Variants in TNS1 observed in about 807,000 individuals in gnomAD.
The protein encoded by TNS1 is tensin 1.
In TNS1, 62 loss-of-function variants were observed where a neutral mutation model predicts 168.6. The ratio of observed to expected loss-of-function variants is 0.37; its 90% CI spans 0.30 to 0.45. The LOEUF is 0.45. Ranked by LOEUF, TNS1 falls within the 20% of genes least tolerant of loss-of-function variation. The pLI, the probability that TNS1 is intolerant of heterozygous loss-of-function variation, is 1.00. For missense variants in TNS1, 2,240 were observed against 2,339.4 expected (o/e 0.96, Z 0.88); for synonymous variants, 934 against 933.2 (o/e 1.00, Z -0.02).
At chr2:217,860,192 C>T (rs1001759099) in intron 18 of TNS1, among the ~76,000 whole-genome samples, 4 of 152,184 alleles carry the variant, frequency 2.6e-5, no homozygotes, top group African/African-American at 9.7e-5. Flanking sequence ...CCCTGTGTTT[C>T]CCCTCAGACA....
intron 12 of TNS1, among the ~76,000 whole-genome samples, chr2:217,887,470 G>C (rs1006856756): frequency 6.6e-6 from 1 of 152,140 alleles, no homozygotes; most frequent in South Asian, 2.1e-4. Context: ...CACCATGCCC[G>C]GCTAATTTTG....
intron 6 of TNS1, 130 bp downstream of exon 6, chr2:217,906,205 T>C: frequency 1.6e-6 from 1 of 627,692 alleles, no homozygotes; most frequent in South Asian, 1.9e-5. Context: ...CTGCCCACAA[T>C]GCCAGCCTCT....
At chr2:217,822,159 C>A (rs1559170781) in intron 22 of TNS1, among the ~76,000 whole-genome samples, 2 of 152,174 alleles carry the variant, frequency 1.3e-5, no homozygotes, top group Non-Finnish European at 2.9e-5. Flanking sequence ...TGAAATGGAT[C>A]CCAGGCCCCG....
chr2:217,985,180 C>T (rs533228356), intron 2 of TNS1, among the ~76,000 whole-genome samples: 1 of 151,656 alleles, frequency 6.6e-6, no homozygotes, highest in African/African-American at 2.4e-5. Flanking sequence ...AAAGATTGGA[C>T]ACCCTGTTCT....
intron 3 of TNS1, among the ~76,000 whole-genome samples, chr2:217,922,713 C>T (rs1342709498): frequency 2.6e-5 from 4 of 152,218 alleles, no homozygotes; most frequent in Non-Finnish European, 5.9e-5. Flanking sequence ...GTATCCTGAC[C>T]GCAGGTCCCT....
chr2:217,996,398 A>G (rs1958471183), intron 1 of TNS1, among the ~76,000 whole-genome samples: 1 of 152,110 alleles, frequency 6.6e-6, no homozygotes, highest in African/African-American at 2.4e-5. Context: ...TATGTGGGGA[A>G]GGCTCAGATC....
rs1952835559 is a variant in TNS1 at position 217,900,462 on chromosome 2, C to G, written c.371+1G>C. 1.3e-6 allele frequency: 2 copies of G among 1,535,128 alleles called. No individual in the cohort carries two copies. Among genetic ancestry groups the G allele is most frequent in the Non-Finnish European group, 1.7e-6 (2 of 1,146,752 alleles). ...CCCCTGCCCCCACGGGCCAGGCATA[C>G]CTGATGGGCTGGAGGTGGGGCTGGA... On this transcript the variant is annotated splice_donor_variant, in intron 7 of 32. Coordinates refer to ENST00000682258, the MANE Select transcript of TNS1 (RefSeq NM_001387777.1). LOFTEE classifies it high-confidence loss of function.
At chr2:217,990,898 C>T (rs1217494896) in intron 2 of TNS1, 44 bp downstream of exon 2, 1 of 570,344 alleles carries the variant, frequency 1.8e-6, no homozygotes, top group Non-Finnish European at 3.3e-6. Flanking sequence ...ATCTCATTCC[C>T]CTGATGGGTG....
At chr2:217,889,032 G>C (rs959153340) in intron 12 of TNS1, among the ~76,000 whole-genome samples, 1 of 152,154 alleles carries the variant, frequency 6.6e-6, no homozygotes, top group African/African-American at 2.4e-5. Context: ...AAGGTCAAAG[G>C]CCACACCGTG....
Position 217,804,369 on chromosome 2 carries a change from T to C in TNS1, c.*90A>G. 2.0e-6 allele frequency: 3 copies of C among 1,523,066 alleles called. No individual in the cohort carries two copies. The highest frequency in any genetic ancestry group is 2.7e-6 in the Non-Finnish European group (3 of 1,127,782). 94.3% of individuals were successfully genotyped at this position (1,523,066 alleles called of 1,614,324 possible). On this transcript the variant is annotated 3_prime_UTR_variant, in exon 33 of 33. Transcript: ENST00000682258. ...CTCCTCCGAAATTGGCCCAAAGTCC[T>C]CCTTCTGGGTTCAAGAGTGGTCAGG...
At chr2:217,809,560 G>C (rs1321826728) in intron 30 of TNS1, among the ~76,000 whole-genome samples, 137 of 57,684 alleles carry the variant, frequency 2.4e-3, no homozygotes, top group East Asian at 2.6e-3. Flanking sequence ...TGGATGGATG[G>C]ATGGATGGAT....
intron 22 of TNS1, chr2:217,829,725 C>T (rs2125268415): frequency 8.6e-7 from 1 of 1,159,480 alleles, no homozygotes; most frequent in East Asian, 2.3e-5. Context: ...AGGCCATGTG[C>T]CTGGTCGCCT....
chr2:217,959,998 CAGG>C lies in TNS1; in HGVS notation c.186+18764_186+18766del, dbSNP rs897903457. ...GGAGGAGGGTGGAGAAGGAAGCCGGCAGGAGGAGGAGGAGGAGGAGCAGCAGCT... is the reference window on the plus strand; with the variant it reads ...GGAGGAGGGTGGAGAAGGAAGCCGGCAGGAGGAGGAGGAGGAGCAGCAGCT... On this transcript the variant is annotated intron_variant, in intron 3 of 32. Coordinates refer to ENST00000682258, the MANE Select transcript of TNS1 (RefSeq NM_001387777.1). Among the ~76,000 whole-genome samples, 11 of 151,944 alleles carry C rather than the reference CAGG, an allele frequency of 7.2e-5. 1 individual carries two copies. Among genetic ancestry groups the C allele is most frequent in the Admixed American group, 3.9e-4 (6 of 15,248 alleles).
chr2:218,003,200 G>GC (rs141236455), upstream of TNS1, among the ~76,000 whole-genome samples: 13 of 150,498 alleles, frequency 8.6e-5, no homozygotes, highest in African/African-American at 3.2e-4. Flanking sequence ...CCCAGGCCGT[G>GC]CCCCCCACCC....
exon 1 of TNS1, chr2:218,010,330 G>A (rs2105999715): frequency 2.5e-6 from 1 of 396,146 alleles, no homozygotes; most frequent in African/African-American, 2.1e-5. Context: ...GTCTCCCGGA[G>A]GCTCAGCCCC....
At chr2:217,841,516 G>T (rs1945957542) in intron 19 of TNS1, among the ~76,000 whole-genome samples, 1 of 152,160 alleles carries the variant, frequency 6.6e-6, no homozygotes, top group Non-Finnish European at 1.5e-5. Flanking sequence ...CTGGAGGGAG[G>T]TGGGGAAGGT....
intron 18 of TNS1, among the ~76,000 whole-genome samples, chr2:217,873,426 G>GC (rs1032836808): frequency 6.6e-6 from 1 of 152,196 alleles, no homozygotes; most frequent in African/African-American, 2.4e-5. Flanking sequence ...GCAGGTACCT[G>GC]CGGGCGCATG....
intron 22 of TNS1, among the ~76,000 whole-genome samples, chr2:217,824,822 C>A (rs769974563): frequency 3.3e-5 from 5 of 152,120 alleles, no homozygotes; most frequent in East Asian, 3.9e-4. Flanking sequence ...CAGGTCCCCA[C>A]GGCTCTCGGC....
At chr2:218,008,667 A>G (rs1958680596) in intron 1 of TNS1, among the ~76,000 whole-genome samples, 1 of 152,204 alleles carries the variant, frequency 6.6e-6, no homozygotes, top group Non-Finnish European at 1.5e-5. Context: ...ACCTTTCCCC[A>G]CTGCGGAACA....
Sources: gnomAD v4.1 joint callset for allele counts (sites outside exome capture counted in the v4.1 genomes callset) on GRCh38, gnomAD v4.1.1 for gene constraint, MANE v1.5 for transcripts, NCBI Gene and HGNC (gene_info 2026-07-23, HGNC 2026-07-21) for gene names.